Variants in NEDD4L observed in about 807,000 individuals in gnomAD.
The protein encoded by NEDD4L is NEDD4 like E3 ubiquitin protein ligase, also known as E3 ubiquitin-protein ligase NEDD4-like.
A neutral mutation model predicts 148.9 loss-of-function variants in NEDD4L; 54 were observed. The observed-to-expected ratio is 0.36, with a 90% CI of 0.29 to 0.45. The LOEUF is 0.45. Ranked by LOEUF, NEDD4L falls within the 20% of genes least tolerant of loss-of-function variation. The probability of loss-of-function intolerance (pLI) is 1.00; values close to 1 mark genes in which losing one functional copy is unlikely to be tolerated. For synonymous variants in NEDD4L, 433 were observed against 440.7 expected (o/e 0.98, Z 0.22); for missense variants, 856 against 1,233.8 (o/e 0.69, Z 4.59).
chr18:58,306,225 A>G (rs947169331), intron 5 of NEDD4L, among the ~76,000 whole-genome samples: 3 of 151,800 alleles, frequency 2.0e-5, no homozygotes, highest in African/African-American at 7.3e-5. Flanking sequence ...ATGTCTTTGT[A>G]TATCCCCAGA....
At chr18:58,175,669 C>T (rs2038044730) in intron 2 of NEDD4L, among the ~76,000 whole-genome samples, 1 of 152,236 alleles carries the variant, frequency 6.6e-6, no homozygotes, top group African/African-American at 2.4e-5. Flanking sequence ...CCTGTGAGAG[C>T]CCCAGAGGAT....
intron 21 of NEDD4L, chr18:58,367,034 C>G (rs1169767810): frequency 3.3e-5 from 5 of 152,208 alleles, no homozygotes; most frequent in Non-Finnish European, 7.3e-5. Flanking sequence ...ATGAGAAAGC[C>G]CACTATGTAC....
intron 2 of NEDD4L, among the ~76,000 whole-genome samples, chr18:58,192,774 T>C (rs2040252962): frequency 6.6e-6 from 1 of 152,170 alleles, no homozygotes. Context: ...AACACGGAGT[T>C]CTAGGCCTCC....
chr18:58,301,442 T>A (rs1168074137), intron 5 of NEDD4L, among the ~76,000 whole-genome samples: 1 of 152,216 alleles, frequency 6.6e-6, no homozygotes, highest in South Asian at 2.1e-4. Context: ...AATGTGTCAC[T>A]CTCTCTGGTT....
intron 5 of NEDD4L, among the ~76,000 whole-genome samples, chr18:58,282,060 G>C (rs1332500025): frequency 6.7e-6 from 1 of 149,740 alleles, no homozygotes; most frequent in Non-Finnish European, 1.5e-5. Flanking sequence ...ACTATAAAAT[G>C]TTTAATAAAC....
intron 24 of NEDD4L, 36 bp from the exon 25 acceptor site, chr18:58,383,210 G>A (rs1043028949): frequency 7.6e-6 from 8 of 1,052,530 alleles, no homozygotes; most frequent in African/African-American, 6.3e-5. Flanking sequence ...AGATAACTTC[G>A]TGATAGTAAT....
chr18:58,333,739 T>C, intron 11 of NEDD4L, 79 bp from the exon 12 acceptor site: 1 of 929,968 alleles, frequency 1.1e-6, no homozygotes, highest in Non-Finnish European at 1.8e-6. Context: ...TATGGTTGAG[T>C]GATATGTTTG....
intron 1 of NEDD4L, among the ~76,000 whole-genome samples, chr18:58,115,807 C>T (rs1363211730): frequency 6.6e-6 from 1 of 152,194 alleles, no homozygotes; most frequent in Non-Finnish European, 1.5e-5. Flanking sequence ...GTTTTAACTT[C>T]ACCTTTTGGG....
chr18:58,360,813 C>A (rs2045374636), intron 19 of NEDD4L, among the ~76,000 whole-genome samples: 1 of 151,380 alleles, frequency 6.6e-6, no homozygotes, highest in Middle Eastern at 3.2e-3. Flanking sequence ...TGAGCAAGCT[C>A]ATTTTTTTTT....
rs551997581 is a variant in NEDD4L, at chr18:58,213,745, TTTG to T, written c.123-31670_123-31668del. On this transcript the variant is annotated intron_variant, in intron 2 of 30. Coordinates refer to ENST00000400345, the MANE Select transcript of NEDD4L (RefSeq NM_001144967.3). ...CCTTCTCTTAGGTCTTGATTTGGTT[TTTG>T]TTGTTGTTGTTTTTTTTTTAATTCT... Among the ~76,000 whole-genome samples, 589 of 152,238 alleles carry T rather than the reference TTTG, an allele frequency of 3.9e-3. 2 individuals are homozygous for T. Among genetic ancestry groups the T allele is most frequent in the Non-Finnish European group, 5.7e-3 (387 of 68,012 alleles).
At chr18:58,195,466 G>A in intron 2 of NEDD4L, 1 of 1,334,108 alleles carries the variant, frequency 7.5e-7, no homozygotes, top group South Asian at 1.2e-5. Flanking sequence ...TTCCAACCCA[G>A]ACAGGCTTAA....
At chr18:58,326,092 A>G (rs1382143010) in intron 9 of NEDD4L, among the ~76,000 whole-genome samples, 1 of 152,230 alleles carries the variant, frequency 6.6e-6, no homozygotes, top group African/African-American at 2.4e-5. Flanking sequence ...TTAGACAACA[A>G]GCAGTATGAG....
chr18:58,350,977 T>A lies in NEDD4L; in HGVS notation c.1654-14T>A. ...GTTTATATTTTCTCTCTCCCTTCCT[T>A]CCCCGGATACTAGCCTGGCTGGGAA... On this transcript the variant is annotated splice_polypyrimidine_tract_variant and intron_variant, in intron 17 of 30. Coordinates refer to ENST00000400345, the MANE Select transcript of NEDD4L (RefSeq NM_001144967.3). 1 of 1,579,620 alleles carries A rather than the reference T, an allele frequency of 6.3e-7. No individual in the cohort carries two copies. The highest frequency in any genetic ancestry group is 8.6e-7 in the Non-Finnish European group (1 of 1,160,700).
At chr18:58,302,148 A>G (rs1306042037) in intron 5 of NEDD4L, among the ~76,000 whole-genome samples, 2 of 152,186 alleles carry the variant, frequency 1.3e-5, no homozygotes, top group African/African-American at 4.8e-5. Flanking sequence ...TATAGGCTTC[A>G]TGTTTCATAC....
chr18:58,133,937 G>A (rs1314622926), intron 1 of NEDD4L, among the ~76,000 whole-genome samples: 1 of 152,174 alleles, frequency 6.6e-6, no homozygotes, highest in Non-Finnish European at 1.5e-5. Flanking sequence ...GTTACTTTAT[G>A]TCCATTGTAG....
At chr18:58,241,517 C>A (rs765058890) in intron 2 of NEDD4L, among the ~76,000 whole-genome samples, 2 of 150,262 alleles carry the variant, frequency 1.3e-5, no homozygotes, top group Non-Finnish European at 2.9e-5. Context: ...TCTGGATGGA[C>A]CAGTGCATAG....
chr18:58,132,460 G>A (rs2032289588), intron 1 of NEDD4L, among the ~76,000 whole-genome samples: 4 of 152,180 alleles, frequency 2.6e-5, no homozygotes, highest in Admixed American at 2.6e-4. Context: ...TATCACAAAA[G>A]GTACTTCAAT....
intron 1 of NEDD4L, among the ~76,000 whole-genome samples, chr18:58,152,866 G>T (rs2034961438): frequency 6.6e-6 from 1 of 152,180 alleles, no homozygotes; most frequent in African/African-American, 2.4e-5. Context: ...ATAGACTCCT[G>T]CAGAGAACCT....
At chr18:58,081,484 C>T (rs58741667) in intron 1 of NEDD4L, among the ~76,000 whole-genome samples, 1 of 151,714 alleles carries the variant, frequency 6.6e-6, no homozygotes, top group Non-Finnish European at 1.5e-5. Flanking sequence ...CAAAGTGCTA[C>T]GATTACAGGT....
Sources: allele counts gnomAD v4.1 joint callset (sites outside exome capture counted in the v4.1 genomes callset), GRCh38; gene constraint gnomAD v4.1.1; transcripts MANE v1.5; gene names NCBI Gene and HGNC (gene_info 2026-07-23, HGNC 2026-07-21).